SLC4A7: variants seen among roughly 807,000 people sequenced by gnomAD.
SLC4A7 encodes sodium bicarbonate cotransporter 3.
A neutral mutation model predicts 137.6 loss-of-function variants in SLC4A7; 51 were observed. The observed-to-expected ratio is 0.37, with a 90% confidence interval of 0.30 to 0.47. The LOEUF is 0.47. SLC4A7 is among the 20% of genes least tolerant of loss of function. The pLI is 1.00. For missense variants in SLC4A7, 1,247 were observed against 1,525.4 expected (o/e 0.82, Z 3.04); for synonymous variants, 542 against 518.6 (o/e 1.05, Z -0.61).
At chr3:27,447,912 T>C (rs2057782258) in intron 3 of SLC4A7, among the ~76,000 whole-genome samples, 1 of 151,466 alleles carries the variant, frequency 6.6e-6, no homozygotes, top group Non-Finnish European at 1.5e-5. Flanking sequence ...AAAACTGTGG[T>C]GTAAGAAGGA....
intron 20 of SLC4A7, among the ~76,000 whole-genome samples, chr3:27,392,617 T>A (rs1258943859): frequency 6.6e-6 from 1 of 151,934 alleles, no homozygotes. Flanking sequence ...CTTGCGGCCA[T>A]AAGTTCGAGA....
chr3:27,464,302 T>G (rs1309418361), intron 1 of SLC4A7, among the ~76,000 whole-genome samples: 1 of 152,228 alleles, frequency 6.6e-6, no homozygotes, highest in Admixed American at 6.5e-5. Context: ...TCAACGAAGA[T>G]CATGTTTCTC....
intron 6 of SLC4A7, chr3:27,433,110 T>C (rs1039002057): frequency 4.3e-4 from 65 of 152,114 alleles, no homozygotes; most frequent in African/African-American, 1.5e-3. Flanking sequence ...CACTTAAAAG[T>C]CATACTATTA....
chr3:27,458,651 C>A (rs2058537085), intron 1 of SLC4A7, among the ~76,000 whole-genome samples: 1 of 152,030 alleles, frequency 6.6e-6, no homozygotes, highest in African/African-American at 2.4e-5. Context: ...TTTTTAAATT[C>A]TCAATACATT....
In SLC4A7 at chr3:27,466,876, T is replaced by A. The variant is rs1277760490; in HGVS notation, c.61-14378A>T. ...CATCTCAAGAAAAAAAAAATTTTTT[T>A]AATTTTCTTTATATTTTCCTATACT... is the stretch of plus-strand genomic sequence containing the variant. On this transcript the variant is annotated intron_variant, in intron 1 of 25. Transcript: ENST00000454389. Among the ~76,000 whole-genome samples, 6 of 152,130 alleles carry A rather than the reference T, an allele frequency of 3.9e-5. No individual in the cohort carries two copies. The East Asian group carries it at 7.7e-4, about 20-fold the overall frequency.
Position 27,431,624 on chromosome 3 carries a change from G to C in SLC4A7, c.824C>G (p.Ser275Cys). ...TCCTCTCAAGGAAAGGTTTGAGGCA[G>C]ACAGACCTGTTCGCAAAGAGTGGCG... ...ASRHSLRTGL[S>C]ASNLSLRGES... The change falls in exon 7 of 26, where the codon TCT becomes TGT. Residue 275 changes from serine (S) to cysteine (C), a missense_variant. Ser to Cys is a moderately radical substitution (Grantham distance 112). Coordinates refer to ENST00000454389, the MANE Select transcript of SLC4A7 (RefSeq NM_001321103.2). 6.2e-7 allele frequency: 1 copy of C among 1,609,548 alleles called. No individual in the cohort carries two copies. Among genetic ancestry groups the C allele is most frequent in the Non-Finnish European group, 8.5e-7 (1 of 1,178,032 alleles).
rs541908497 is a variant in SLC4A7, at chr3:27,426,002, CCAGAATTTAAA to C, written c.1151-1861_1151-1851del. ...CTGAAGATGTACTGGTAATCAAGTT[CCAGAATTTAAA>C]GTACATCAGATATACCTGACACATC... On this transcript the variant is annotated intron_variant, in intron 7 of 25. Coordinates refer to ENST00000454389, the MANE Select transcript of SLC4A7 (RefSeq NM_001321103.2). 1.1e-4 allele frequency among the ~76,000 whole-genome samples: 16 copies of C among 152,218 alleles called. 1 individual carries two copies. In the South Asian group the frequency reaches 3.3e-3, roughly 32 times the overall value.
intron 12 of SLC4A7, among the ~76,000 whole-genome samples, chr3:27,410,465 A>G (rs1423189862): frequency 6.6e-6 from 1 of 152,242 alleles, no homozygotes; most frequent in African/African-American, 2.4e-5. Flanking sequence ...GGATATTTCA[A>G]GCTTTACCGT....
Position 27,403,217 on chromosome 3 carries a change from G to A in SLC4A7, c.2243C>T (p.Ala748Val), listed in dbSNP as rs758868151. ...ALICIIFIYE[A>V]LEKLFDLGET... ...TCCTAAATCAAAGAGCTTCTCCAAA[G>A]CCTCGTAGATGAATATGATGCAAAT... is the stretch of plus-strand genomic sequence containing the variant. The change falls in exon 15 of 26, where the codon GCT (alanine) becomes GTT (valine). Residue 748 changes from alanine to valine, a missense_variant. Transcript: ENST00000454389. The A allele has an allele frequency of 6.2e-7, 1 of 1,613,894 alleles. No individual in the cohort carries two copies. Among genetic ancestry groups the A allele is most frequent in the Non-Finnish European group, 8.5e-7 (1 of 1,179,904 alleles).
At chr3:27,389,758 T>C (rs943013956) in intron 22 of SLC4A7, among the ~76,000 whole-genome samples, 173 bp downstream of exon 22, 2 of 152,080 alleles carry the variant, frequency 1.3e-5, no homozygotes, top group African/African-American at 2.4e-5. Flanking sequence ...AGTAATAAAA[T>C]TGAAGCTGGG....
chr3:27,386,201 TAAAAAAA>T (rs34806095), intron 22 of SLC4A7, among the ~76,000 whole-genome samples, 178 bp from the exon 23 acceptor site: 1 of 141,426 alleles, frequency 7.1e-6, no homozygotes, highest in African/African-American at 2.5e-5. Context: ...TACTTTGTGC[TAAAAAAA>T]AAAAAAAAAC....
chr3:27,404,198 T>A (rs973806014), intron 14 of SLC4A7, among the ~76,000 whole-genome samples: 2 of 152,114 alleles, frequency 1.3e-5, no homozygotes, highest in African/African-American at 4.8e-5. Context: ...TTAAACTCCA[T>A]CTCTACTGAA....
intron 20 of SLC4A7, among the ~76,000 whole-genome samples, chr3:27,393,145 A>C (rs1054422825): frequency 6.6e-6 from 1 of 152,172 alleles, no homozygotes; most frequent in Non-Finnish European, 1.5e-5. Flanking sequence ...AGGTTTCTCG[A>C]GAAAACCAAC....
chr3:27,395,228 T>A, intron 18 of SLC4A7, 113 bp from the exon 19 acceptor site: 1 of 661,686 alleles, frequency 1.5e-6, no homozygotes, highest in Non-Finnish European at 2.4e-6. Flanking sequence ...GGAAATAACT[T>A]AAATCTTGAA....
intron 1 of SLC4A7, among the ~76,000 whole-genome samples, chr3:27,466,770 T>C (rs543592581): frequency 2.0e-5 from 3 of 152,058 alleles, no homozygotes; most frequent in South Asian, 2.1e-4. Context: ...GACAGGAGAA[T>C]TGCTTGAACC....
At chr3:27,387,036 G>T (rs920344424) in intron 22 of SLC4A7, among the ~76,000 whole-genome samples, 2 of 152,042 alleles carry the variant, frequency 1.3e-5, no homozygotes, top group African/African-American at 4.8e-5. Flanking sequence ...ATACATTTCT[G>T]GACCCATTTG....
Position 27,375,758 on chromosome 3 carries a change from T to A in SLC4A7, c.*1006A>T, listed in dbSNP as rs546592220. The A allele has an allele frequency of 6.6e-6, 1 of 152,466 alleles. No homozygotes were observed. Among genetic ancestry groups the A allele is most frequent in the Admixed American group, 6.5e-5 (1 of 15,292 alleles). 9.4% of individuals were successfully genotyped at this position (152,466 alleles called of 1,614,324 possible). On this transcript the variant is annotated 3_prime_UTR_variant, in exon 26 of 26. Coordinates refer to ENST00000454389, the MANE Select transcript of SLC4A7 (RefSeq NM_001321103.2). The stretch of plus-strand genomic sequence containing the variant: ...ACAGGTAACAAGCTATTAAATGTAA[T>A]CTACAAAAGTGAAAGAATAACATAA...
intron 1 of SLC4A7, among the ~76,000 whole-genome samples, chr3:27,470,652 A>AAC (rs1553720422): frequency 0.02 from 2,983 of 150,280 alleles, 54 homozygotes; most frequent in South Asian, 0.047. Context: ...AAAAAAAAAA[A>AAC]AAAAAAACAG....
intron 8 of SLC4A7, 44 bp from the exon 9 acceptor site, chr3:27,421,823 TG>T: frequency 6.7e-7 from 1 of 1,485,582 alleles, no homozygotes; most frequent in Non-Finnish European, 9.3e-7. Flanking sequence ...CCGTGGTATT[TG>T]TAAGACTAGA....
Sources: allele counts gnomAD v4.1 joint callset (sites outside exome capture counted in the v4.1 genomes callset), GRCh38; gene constraint gnomAD v4.1.1; transcripts MANE v1.5; gene names NCBI Gene and HGNC (gene_info 2026-07-23, HGNC 2026-07-21).